GDI2: variants seen among roughly 807,000 people sequenced by gnomAD.
GDI2 encodes the protein GDP dissociation inhibitor 2.
A neutral mutation model predicts 54.2 loss-of-function variants in GDI2; 22 were observed. That is an observed-to-expected ratio of 0.41 (90% CI 0.29 to 0.58). GDI2 has a LOEUF of 0.58. Ranked by LOEUF, GDI2 falls within the 20% of genes least tolerant of loss-of-function variation. The probability of loss-of-function intolerance (pLI) is 0.35; values close to 1 mark genes in which losing one functional copy is unlikely to be tolerated. For missense variants in GDI2, 422 were observed against 546.0 expected (o/e 0.77, Z 2.26); for synonymous variants, 177 against 182.1 (o/e 0.97, Z 0.23).
chr10:5,798,747 G>A (rs2131712629), intron 2 of GDI2, among the ~76,000 whole-genome samples: 1 of 152,226 alleles, frequency 6.6e-6, no homozygotes, highest in Admixed American at 6.5e-5. Context: ...GAAGGCCAAG[G>A]CAGGCAGATC....
chr10:5,809,016 G>A (rs1050798163), intron 1 of GDI2, among the ~76,000 whole-genome samples: 4 of 151,946 alleles, frequency 2.6e-5, no homozygotes, highest in Non-Finnish European at 5.9e-5. Context: ...AGGCCTAGGC[G>A]GGTGGATCAC....
At chr10:5,780,571 A>C in intron 6 of GDI2, among the ~76,000 whole-genome samples, 1 of 152,236 alleles carries the variant, frequency 6.6e-6, no homozygotes, top group East Asian at 1.9e-4. Flanking sequence ...TAAGTACAAG[A>C]TCATAGGATA....
chr10:5,782,690 T>C (rs1309951737), intron 6 of GDI2, among the ~76,000 whole-genome samples: 5 of 152,152 alleles, frequency 3.3e-5, no homozygotes, highest in African/African-American at 7.2e-5. Flanking sequence ...TCCCAGCACA[T>C]TGGGAGGCCA....
At chr10:5,809,540 G>A (rs1221185088) in intron 1 of GDI2, among the ~76,000 whole-genome samples, 3 of 152,072 alleles carry the variant, frequency 2.0e-5, no homozygotes, top group African/African-American at 7.2e-5. Flanking sequence ...CCTTCTTTAC[G>A]AAGGTTTTCC....
Position 5,813,325 on chromosome 10 carries a change from G to T in GDI2, c.-67C>A. 1 of 1,144,904 alleles carries T rather than the reference G, an allele frequency of 8.7e-7. No homozygotes were observed. The highest frequency in any genetic ancestry group is 2.6e-5 in the East Asian group (1 of 38,478). 70.9% of individuals were successfully genotyped at this position (1,144,904 alleles called of 1,614,324 possible). A position where few individuals can be genotyped will look rare whatever the true frequency, so the allele number is the denominator to read the frequency against. ...CGCAGGGGCTCCGTGACCACCCTACGAGGCTGGGAGGCGCTCTTGGGCGCG... is the reference window on the plus strand; with the variant it reads ...CGCAGGGGCTCCGTGACCACCCTACTAGGCTGGGAGGCGCTCTTGGGCGCG... On this transcript the variant is annotated 5_prime_UTR_variant, in exon 1 of 11. Coordinates refer to ENST00000380191, the MANE Select transcript of GDI2 (RefSeq NM_001494.4).
Position 5,813,411 on chromosome 10 carries a change from A to AC in GDI2, c.-154dup, listed in dbSNP as rs1841518758. Reference sequence around the variant, plus strand: ...TGGCGACAAGGCGAGACCGACCGCCACCTCAGACGGGAAGAGAAGAACTGG... The same window carrying AC: ...TGGCGACAAGGCGAGACCGACCGCCACCCTCAGACGGGAAGAGAAGAACTGG... On this transcript the variant is annotated 5_prime_UTR_variant, in exon 1 of 11. Transcript: ENST00000380191. 1 of 428,314 alleles carries AC rather than the reference A, an allele frequency of 2.3e-6. No homozygotes were observed. Among genetic ancestry groups the AC allele is most frequent in the Non-Finnish European group, 4.3e-6 (1 of 234,808 alleles). 26.5% of individuals were successfully genotyped at this position (428,314 alleles called of 1,614,324 possible). A position where few individuals can be genotyped will look rare whatever the true frequency, so the allele number is the denominator to read the frequency against.
chr10:5,770,513 G>C (rs567438443), intron 7 of GDI2, among the ~76,000 whole-genome samples: 2 of 152,174 alleles, frequency 1.3e-5, no homozygotes, highest in East Asian at 1.9e-4. Flanking sequence ...AGTGAGCCAA[G>C]ATCATGCCAC....
At chr10:5,800,760 G>C (rs1388787886) in intron 1 of GDI2, 55 bp from the exon 2 acceptor site, 4 of 881,968 alleles carry the variant, frequency 4.5e-6, no homozygotes, top group East Asian at 4.8e-5. Flanking sequence ...ATTTAAAACA[G>C]ATCATTTTTT....
chr10:5,793,019 G>T (rs895085389), intron 4 of GDI2, among the ~76,000 whole-genome samples: 1 of 150,848 alleles, frequency 6.6e-6, no homozygotes, highest in Non-Finnish European at 1.5e-5. Flanking sequence ...TTTTGAGACA[G>T]GGTCCCCCTC....
At chr10:5,769,408 C>A (rs1379434233) in intron 7 of GDI2, 1 of 151,028 alleles carries the variant, frequency 6.6e-6, no homozygotes, top group African/African-American at 2.4e-5. Flanking sequence ...CTCGTCTCTA[C>A]TAAAAATACA....
chr10:5,769,398 C>T (rs1840434601), intron 7 of GDI2: 1 of 151,134 alleles, frequency 6.6e-6, no homozygotes, highest in African/African-American at 2.4e-5. Context: ...ATGGAGATAC[C>T]TCGTCTCTAC....
chr10:5,783,030 G>C (rs1840795691), intron 6 of GDI2, among the ~76,000 whole-genome samples: 1 of 152,128 alleles, frequency 6.6e-6, no homozygotes, highest in Admixed American at 6.5e-5. Flanking sequence ...CCTTTTACAT[G>C]AACTTTGAAA....
At position 5,766,678 on chromosome 10, in the gene GDI2, C is replaced by G; in HGVS notation, c.992-40G>C. Reference sequence around the variant, plus strand: ...TACCAGCTCACTGCCTCAAGTGTCTCCATCTGGGACCCAACATACTCAGGT... The same window carrying G: ...TACCAGCTCACTGCCTCAAGTGTCTGCATCTGGGACCCAACATACTCAGGT... On this transcript the variant is annotated intron_variant, in intron 8 of 10. Coordinates refer to ENST00000380191, the MANE Select transcript of GDI2 (RefSeq NM_001494.4). This position sits in a 1 kb window ranked among gnomAD's most constrained non-coding sequence, Gnocchi z 5.8. 1 of 1,561,704 alleles carries G rather than the reference C, an allele frequency of 6.4e-7. No individual in the cohort carries two copies. Among genetic ancestry groups the G allele is most frequent in the South Asian group, 1.1e-5 (1 of 89,882 alleles).
rs1840626977 is a variant in GDI2 at position 5,776,602 on chromosome 10, G to C, written c.720-2661C>G. On this transcript the variant is annotated intron_variant, in intron 6 of 10. Coordinates refer to ENST00000380191, the MANE Select transcript of GDI2 (RefSeq NM_001494.4). The surrounding 1 kb of genome is among the most constrained non-coding windows in gnomAD (Gnocchi z 5.3). ...TAAGGAAAGAAAATAAACAACTCAAGGCTGAAAAGGGCAGACTTCTAAATG... is the reference window on the plus strand; with the variant it reads ...TAAGGAAAGAAAATAAACAACTCAACGCTGAAAAGGGCAGACTTCTAAATG... 1 of 1,528,354 alleles carries C rather than the reference G, an allele frequency of 6.5e-7. No individual in the cohort carries two copies. Among genetic ancestry groups the C allele is most frequent in the Non-Finnish European group, 9.0e-7 (1 of 1,105,470 alleles). 94.7% of individuals were successfully genotyped at this position (1,528,354 alleles called of 1,614,324 possible).
At chr10:5,798,544 G>A (rs1278138835) in intron 2 of GDI2, among the ~76,000 whole-genome samples, 5 of 150,894 alleles carry the variant, frequency 3.3e-5, no homozygotes, top group Non-Finnish European at 7.4e-5. Flanking sequence ...AGCTAAGATC[G>A]TGCCACTGCA....
At chr10:5,772,713 C>T (rs576738696) in intron 7 of GDI2, among the ~76,000 whole-genome samples, 2 of 152,068 alleles carry the variant, frequency 1.3e-5, no homozygotes, top group East Asian at 1.9e-4. Flanking sequence ...GCTGAGATCA[C>T]GCCACTGCAC....
In GDI2 at chr10:5,772,540, T is replaced by A. The variant is rs535186113; in HGVS notation, c.819+1302A>T. Among the ~76,000 whole-genome samples the A allele has an allele frequency of 2.6e-5, 4 of 152,130 alleles. No individual in the cohort carries two copies. The East Asian group carries it at 7.8e-4, about 29-fold the overall frequency. On this transcript the variant is annotated intron_variant, in intron 7 of 10. Coordinates refer to ENST00000380191, the MANE Select transcript of GDI2 (RefSeq NM_001494.4). Reference sequence around the variant, plus strand: ...GGGAGGCTGAGGCGGGCGGATCACTTGGGGCCGGGAGTTCGAGACCAGCCT... The same window carrying A: ...GGGAGGCTGAGGCGGGCGGATCACTAGGGGCCGGGAGTTCGAGACCAGCCT...
At position 5,809,244 on chromosome 10, in the gene GDI2, C is replaced by CAAAAAAAAACAAAA. The variant is rs150113283; in HGVS notation, c.45+3956_45+3969dup. ...TGGGCAACAGAGTGAGACTCCATCT[C>CAAAAAAAAACAAAA]AAAAAAAAACAAAAAAAAAAACTGT... On this transcript the variant is annotated intron_variant, in intron 1 of 10. Transcript: ENST00000380191. Among the ~76,000 whole-genome samples the CAAAAAAAAACAAAA allele has an allele frequency of 1.8e-3, 237 of 134,160 alleles. 3 individuals carry two copies. In the East Asian group the frequency reaches 0.022, roughly 13 times the overall value. 88.0% of individuals were successfully genotyped at this position (134,160 alleles called of 152,430 possible). A position where few individuals can be genotyped will look rare whatever the true frequency, so the allele number is the denominator to read the frequency against.
At chr10:5,787,956 G>C (rs1840915658) in intron 4 of GDI2, among the ~76,000 whole-genome samples, 1 of 152,102 alleles carries the variant, frequency 6.6e-6, no homozygotes, top group South Asian at 2.1e-4. Flanking sequence ...ACCCAGAGAG[G>C]GATAGAAATC....
Sources: allele counts gnomAD v4.1 joint callset (sites outside exome capture counted in the v4.1 genomes callset), GRCh38; gene constraint gnomAD v4.1.1; non-coding constraint Gnocchi (gnomAD v3.1); transcripts MANE v1.5; gene names NCBI Gene and HGNC (gene_info 2026-07-23, HGNC 2026-07-21).